LIN52: variants seen among roughly 807,000 people sequenced by gnomAD.
LIN52 encodes the protein lin-52 DREAM MuvB core complex component, also known as protein lin-52 homolog.
In LIN52, 4 loss-of-function variants were observed where a neutral mutation model predicts 18.5. That is an observed-to-expected ratio of 0.22 (90% confidence interval 0.11 to 0.49). LIN52 has a LOEUF of 0.49. Among genes scored for constraint, LIN52 ranks in the 20% least tolerant of loss-of-function variants. The pLI is 0.97. For synonymous variants in LIN52, 34 were observed against 45.5 expected (o/e 0.75, Z 1.02); for missense variants, 102 against 139.5 (o/e 0.73, Z 1.35).
At chr14:74,168,823 G>T (rs998698972) in intron 5 of LIN52, among the ~76,000 whole-genome samples, 5 of 152,156 alleles carry the variant, frequency 3.3e-5, no homozygotes, top group East Asian at 1.9e-4. Flanking sequence ...CAAAACTTTG[G>T]GAGGCTGAGG....
intron 5 of LIN52, among the ~76,000 whole-genome samples, chr14:74,138,148 T>C (rs965683412): frequency 1.3e-5 from 2 of 152,220 alleles, no homozygotes; most frequent in African/African-American, 4.8e-5. Flanking sequence ...CTCTGCCTGA[T>C]CTAACGTTTT....
At chr14:74,102,501 A>G (rs1177466290) in intron 5 of LIN52, among the ~76,000 whole-genome samples, 1 of 152,220 alleles carries the variant, frequency 6.6e-6, no homozygotes. Context: ...ATTTCTTATG[A>G]TTAAAGTTTA....
At chr14:74,138,716 C>T (rs1370903549) in intron 5 of LIN52, among the ~76,000 whole-genome samples, 3 of 150,816 alleles carry the variant, frequency 2.0e-5, no homozygotes, top group African/African-American at 4.9e-5. Flanking sequence ...GCACCCTCAC[C>T]CCACCCCCTA....
At chr14:74,096,691 A>G (rs184484129) in intron 3 of LIN52, among the ~76,000 whole-genome samples, 206 of 152,294 alleles carry the variant, frequency 1.4e-3, no homozygotes, top group African/African-American at 4.5e-3. Context: ...AATCATCAAC[A>G]TGCAGCTATG....
chr14:74,182,750 T>C lies in LIN52; in HGVS notation c.284-16172T>C, dbSNP rs543215776. The stretch of plus-strand genomic sequence containing the variant: ...CTTGCTACCTATCTCAAAAGCTTCT[T>C]TTGAGAAGATTCAGTAAGTAACCAA... On this transcript the variant is annotated intron_variant, in intron 5 of 5. Transcript: ENST00000555028. 3.3e-4 allele frequency among the ~76,000 whole-genome samples: 50 copies of C among 152,282 alleles called. No homozygotes were observed. In the South Asian group the frequency reaches 9.5e-3, roughly 29 times the overall value.
At chr14:74,175,324 A>G (rs2061288148) in intron 5 of LIN52, among the ~76,000 whole-genome samples, 1 of 151,896 alleles carries the variant, frequency 6.6e-6, no homozygotes, top group African/African-American at 2.4e-5. Context: ...TTAAAACACA[A>G]GGCTGGGGCA....
chr14:74,179,977 T>G (rs1404193900), intron 5 of LIN52, among the ~76,000 whole-genome samples: 1 of 152,192 alleles, frequency 6.6e-6, no homozygotes, highest in Non-Finnish European at 1.5e-5. Context: ...AGTTTCTGAT[T>G]CAGTAGATTT....
intron 5 of LIN52, among the ~76,000 whole-genome samples, chr14:74,155,113 T>C (rs2061194054): frequency 6.6e-6 from 1 of 152,262 alleles, no homozygotes; most frequent in East Asian, 1.9e-4. Flanking sequence ...TCTCTGGCTC[T>C]TTGCCTTCTA....
intron 5 of LIN52, among the ~76,000 whole-genome samples, chr14:74,165,894 A>ATT (rs200429693): frequency 2.1e-5 from 3 of 141,802 alleles, no homozygotes; most frequent in African/African-American, 5.1e-5. Context: ...TATTTCACCA[A>ATT]TTTTTTTTTT....
intron 5 of LIN52, among the ~76,000 whole-genome samples, chr14:74,142,791 C>G (rs1197388056): frequency 1.4e-5 from 2 of 146,028 alleles, no homozygotes; most frequent in South Asian, 4.7e-4. Flanking sequence ...CTGAAACAGA[C>G]TGAATGTGGC....
In LIN52 at chr14:74,184,374, T is replaced by C. The variant is rs28622176; in HGVS notation, c.284-14548T>C. On this transcript the variant is annotated intron_variant, in intron 5 of 5. Transcript: ENST00000555028. ...GAGCCACCACACCCGGCCCCCACAT[T>C]TTAAGTTTGGATAATTTTATCCTAG... Among the ~76,000 whole-genome samples, 1,258 of 152,352 alleles carry C rather than the reference T, an allele frequency of 8.3e-3. 17 individuals carry two copies. Among genetic ancestry groups the C allele is most frequent in the African/African-American group, 0.029 (1,194 of 41,590 alleles).
At chr14:74,195,393 G>A (rs1450751960) in intron 5 of LIN52, among the ~76,000 whole-genome samples, 1 of 152,174 alleles carries the variant, frequency 6.6e-6, no homozygotes, top group African/African-American at 2.4e-5. Flanking sequence ...AGGCAGTGGG[G>A]AATAGAAATG....
rs575379306 is a variant in LIN52 at position 74,158,782 on chromosome 14, G to A, written c.284-40140G>A. 2.6e-5 allele frequency among the ~76,000 whole-genome samples: 4 copies of A among 152,344 alleles called. 1 individual carries two copies. The highest frequency in any genetic ancestry group is 9.6e-5 in the African/African-American group (4 of 41,578). ...CGTGAGCCACTGCGCCCAGCCGTAA[G>A]TTATTTATTTCTAGAGATCAGAAAT... On this transcript the variant is annotated intron_variant, in intron 5 of 5. Coordinates refer to ENST00000555028, the MANE Select transcript of LIN52 (RefSeq NM_001024674.3).
At chr14:74,086,895 G>A (rs996396026) in intron 1 of LIN52, among the ~76,000 whole-genome samples, 3 of 151,780 alleles carry the variant, frequency 2.0e-5, no homozygotes, top group African/African-American at 7.3e-5. Flanking sequence ...CCACTGAAAT[G>A]TATACTTAAA....
intron 5 of LIN52, among the ~76,000 whole-genome samples, chr14:74,171,572 A>C (rs1490049982): frequency 6.6e-6 from 1 of 152,098 alleles, no homozygotes; most frequent in Non-Finnish European, 1.5e-5. Flanking sequence ...ATGAACTAGA[A>C]GGAAAACAAA....
chr14:74,137,421 T>TC (rs1443996096), intron 5 of LIN52, among the ~76,000 whole-genome samples: 1 of 151,478 alleles, frequency 6.6e-6, no homozygotes. Flanking sequence ...CAAGATCCAG[T>TC]CCAAGTTCTG....
intron 5 of LIN52, among the ~76,000 whole-genome samples, chr14:74,173,003 GA>G (rs2061278085): frequency 6.6e-6 from 1 of 152,058 alleles, no homozygotes; most frequent in Non-Finnish European, 1.5e-5. Flanking sequence ...ATTAAAAAAA[GA>G]AACTATCAAT....
intron 5 of LIN52, among the ~76,000 whole-genome samples, chr14:74,161,047 A>G (rs1215514337): frequency 2.6e-5 from 4 of 152,184 alleles, no homozygotes; most frequent in African/African-American, 9.6e-5. Flanking sequence ...TGGTTTGGGT[A>G]ACCTTATATT....
chr14:74,102,803 A>C (rs2060867156), intron 5 of LIN52, among the ~76,000 whole-genome samples: 1 of 152,218 alleles, frequency 6.6e-6, no homozygotes, highest in Non-Finnish European at 1.5e-5. Context: ...TATAGCTGAA[A>C]TTATGGTTCC....
Sources: gnomAD v4.1 joint callset for allele counts (sites outside exome capture counted in the v4.1 genomes callset) on GRCh38, gnomAD v4.1.1 for gene constraint, MANE v1.5 for transcripts, NCBI Gene and HGNC (gene_info 2026-07-23, HGNC 2026-07-21) for gene names.